Variants in INPP5F observed in about 807,000 individuals in gnomAD.
INPP5F encodes inositol polyphosphate-5-phosphatase F.
Under a neutral mutation model 137.2 loss-of-function variants are expected in INPP5F, and 97 were observed. The ratio of observed to expected loss-of-function variants is 0.71; its 90% CI spans 0.60 to 0.84. The LOEUF is 0.84. Ranked by LOEUF, INPP5F falls within the 40% of genes least tolerant of loss-of-function variation. The pLI is 0.00. For missense variants in INPP5F, 1,271 were observed against 1,371.9 expected (o/e 0.93, Z 1.16); for synonymous variants, 504 against 476.9 (o/e 1.06, Z -0.74).
chr10:119,827,798 C>A lies in INPP5F; in HGVS notation c.*18C>A, dbSNP rs760901656. On this transcript the variant is annotated 3_prime_UTR_variant, in exon 20 of 20. Coordinates refer to ENST00000650623, the MANE Select transcript of INPP5F (RefSeq NM_014937.4). ...AGATTTAGCTTTTAGCCATAAGAAT[C>A]CTTCCATGGCTTTTATTTAAAAATA... 3 of 1,503,508 alleles carry A rather than the reference C, an allele frequency of 2.0e-6. No individual in the cohort carries two copies. The highest frequency in any genetic ancestry group is 2.4e-5 in the South Asian group (2 of 81,650). 93.1% of individuals were successfully genotyped at this position (1,503,508 alleles called of 1,614,324 possible).
At chr10:119,771,888 T>A (rs1272509353) in intron 2 of INPP5F, among the ~76,000 whole-genome samples, 735 of 38,602 alleles carry the variant, frequency 0.019, 1 homozygote, top group Non-Finnish European at 0.025. Context: ...ATATATTTTT[T>A]TTTTTTTTTT....
At chr10:119,799,091 G>A (rs1329885350) in intron 9 of INPP5F, among the ~76,000 whole-genome samples, 1 of 152,112 alleles carries the variant, frequency 6.6e-6, no homozygotes, top group Non-Finnish European at 1.5e-5. Context: ...GTATTTTTCA[G>A]TATGTTTTTT....
intron 2 of INPP5F, among the ~76,000 whole-genome samples, chr10:119,778,938 A>G (rs1055373289): frequency 6.6e-6 from 1 of 152,106 alleles, no homozygotes; most frequent in African/African-American, 2.4e-5. Context: ...TCAGAATTCT[A>G]CTCAGAGACC....
At chr10:119,813,628 A>AAAAAC (rs1302996429) in intron 15 of INPP5F, among the ~76,000 whole-genome samples, 3 of 152,186 alleles carry the variant, frequency 2.0e-5, no homozygotes, top group African/African-American at 7.2e-5. Flanking sequence ...CTGTCTCAAA[A>AAAAAC]AAAACAAAAC....
Position 119,726,087 on chromosome 10 carries a change from C to T in INPP5F, c.-176C>T, listed in dbSNP as rs984681433. On this transcript the variant is annotated 5_prime_UTR_variant, in exon 1 of 20. Transcript: ENST00000650623. ...CGGCCGCCGCTGCCGCCGCCGCTGC[C>T]GGGGCGCGTTCTCCTCCTACCGGTC... is the stretch of plus-strand genomic sequence containing the variant. 3.5e-5 allele frequency: 13 copies of T among 376,194 alleles called. No homozygotes were observed. The highest frequency in any genetic ancestry group is 2.2e-4 in the South Asian group (3 of 13,782). 23.3% of individuals were successfully genotyped at this position (376,194 alleles called of 1,614,324 possible).
chr10:119,756,158 GAAAACAAACAAAAC>G (rs937339121), intron 2 of INPP5F, among the ~76,000 whole-genome samples: 2 of 149,966 alleles, frequency 1.3e-5, no homozygotes, highest in Non-Finnish European at 3.0e-5. Flanking sequence ...TCTGTCTCAA[GAAAACAAACAAAAC>G]AAAACAAAAA....
chr10:119,785,275 A>G lies in INPP5F; in HGVS notation c.315+3504A>G, dbSNP rs577216037. On this transcript the variant is annotated intron_variant, in intron 3 of 19. Transcript: ENST00000650623. ...GTAACTCTATCTAACCTTTTGTGGA[A>G]CTGCCAGACTGTTTTTTTTTTTTTT... Among the ~76,000 whole-genome samples, 14 of 123,726 alleles carry G rather than the reference A, an allele frequency of 1.1e-4. No homozygotes were observed. In the East Asian group the frequency reaches 2.6e-3, roughly 23 times the overall value. The allele number at this position is 123,726 out of a possible 152,430, so 81.2% of individuals were successfully genotyped here. A position where few individuals can be genotyped will look rare whatever the true frequency, so the allele number is the denominator to read the frequency against.
chr10:119,804,041 C>A lies in INPP5F; in HGVS notation c.1117-132C>A, dbSNP rs560574710. ...TGAGTGGATTAATTTCTAAGTATGG[C>A]TATAAAATATTTCTAACACATAATT... On this transcript the variant is annotated intron_variant, in intron 9 of 19. Transcript: ENST00000650623. 74 of 586,802 alleles carry A rather than the reference C, an allele frequency of 1.3e-4. No individual in the cohort carries two copies. The East Asian group carries it at 2.2e-3, about 17-fold the overall frequency. The allele number at this position is 586,802 out of a possible 1,614,324, so 36.3% of individuals were successfully genotyped here. A position where few individuals can be genotyped will look rare whatever the true frequency, so the allele number is the denominator to read the frequency against.
At chr10:119,808,138 G>T (rs966443847) in intron 13 of INPP5F, 78 bp downstream of exon 13, 40 of 1,504,582 alleles carry the variant, frequency 2.7e-5, no homozygotes, top group Non-Finnish European at 3.5e-5. Flanking sequence ...ACAGAAATGT[G>T]TGTGGGTTCC....
intron 2 of INPP5F, among the ~76,000 whole-genome samples, chr10:119,757,997 A>G (rs997631586): frequency 6.6e-6 from 1 of 152,198 alleles, no homozygotes; most frequent in Non-Finnish European, 1.5e-5. Flanking sequence ...TATGGATTTA[A>G]CAAGTATCTA....
chr10:119,771,845 G>GATAGATATAT (rs1849346911), intron 2 of INPP5F, among the ~76,000 whole-genome samples: 1 of 32,792 alleles, frequency 3.0e-5, no homozygotes, highest in African/African-American at 1.2e-4. Flanking sequence ...AAAGTATGGA[G>GATAGATATAT]ATATATATAT....
At chr10:119,812,378 CT>C (rs201760506) in intron 15 of INPP5F, among the ~76,000 whole-genome samples, 49 of 145,504 alleles carry the variant, frequency 3.4e-4, no homozygotes, top group African/African-American at 5.8e-4. Context: ...AACTAATATT[CT>C]TTTTTTTTTT....
At chr10:119,746,353 G>A (rs17099261) in intron 1 of INPP5F, among the ~76,000 whole-genome samples, 4,936 of 152,082 alleles carry the variant, frequency 0.032, 110 homozygotes, top group Non-Finnish European at 0.044. Context: ...AGCTTATTTG[G>A]TACCCAAGGG....
chr10:119,796,371 G>A (rs1224086576), intron 6 of INPP5F, among the ~76,000 whole-genome samples: 5 of 152,130 alleles, frequency 3.3e-5, no homozygotes, highest in African/African-American at 4.8e-5. Flanking sequence ...TAAACACTAC[G>A]TGTATTATCC....
At chr10:119,796,077 A>G (rs1244867759) in intron 6 of INPP5F, among the ~76,000 whole-genome samples, 37 of 37,818 alleles carry the variant, frequency 9.8e-4, no homozygotes, top group African/African-American at 3.3e-3. Context: ...GGGGAGAGGG[A>G]GAGGGGGAGG....
intron 6 of INPP5F, among the ~76,000 whole-genome samples, chr10:119,794,252 T>G (rs1226227834): frequency 1.3e-5 from 2 of 152,020 alleles, no homozygotes; most frequent in African/African-American, 4.8e-5. Flanking sequence ...AGCATCTGTT[T>G]AACAAAGCAC....
In INPP5F at chr10:119,787,470, C is replaced by T. The variant is rs1040064197; in HGVS notation, c.316-4047C>T. Among the ~76,000 whole-genome samples the T allele has an allele frequency of 2.6e-5, 4 of 151,972 alleles. No individual in the cohort carries two copies. Among genetic ancestry groups the T allele is most frequent in the Non-Finnish European group, 4.4e-5 (3 of 68,002 alleles). ...CATGATGGCATGTGCCTCAGCTACT[C>T]GGGAGGCTAAGGTGGAAGAACCGCT... On this transcript the variant is annotated intron_variant, in intron 3 of 19. Coordinates refer to ENST00000650623, the MANE Select transcript of INPP5F (RefSeq NM_014937.4). The surrounding 1 kb of genome is among the most constrained non-coding windows in gnomAD (Gnocchi z 4.1).
rs761366926 is a variant in INPP5F at position 119,827,787 on chromosome 10, G to A, written c.*7G>A. ...ACGGATAATTCAGATTTAGCTTTTAGCCATAAGAATCCTTCCATGGCTTTT... is the reference window on the plus strand; with the variant it reads ...ACGGATAATTCAGATTTAGCTTTTAACCATAAGAATCCTTCCATGGCTTTT... On this transcript the variant is annotated 3_prime_UTR_variant, in exon 20 of 20. Transcript: ENST00000650623. 1 of 1,574,546 alleles carries A rather than the reference G, an allele frequency of 6.4e-7. No homozygotes were observed. Among genetic ancestry groups the A allele is most frequent in the Non-Finnish European group, 8.6e-7 (1 of 1,157,714 alleles).
At chr10:119,752,099 T>G (rs1564808407) in intron 2 of INPP5F, among the ~76,000 whole-genome samples, 1 of 152,248 alleles carries the variant, frequency 6.6e-6, no homozygotes, top group Non-Finnish European at 1.5e-5. Flanking sequence ...ATTTGGGAGC[T>G]AGATTGATTT....
Sources: allele counts gnomAD v4.1 joint callset (sites outside exome capture counted in the v4.1 genomes callset), GRCh38; gene constraint gnomAD v4.1.1; non-coding constraint Gnocchi (gnomAD v3.1); transcripts MANE v1.5; gene names NCBI Gene and HGNC (gene_info 2026-07-23, HGNC 2026-07-21).